Variants in MCPH1 observed in about 807,000 individuals in gnomAD.
MCPH1 encodes the protein microcephalin 1, also known as microcephalin.
MCPH1 carries 104 observed loss-of-function variants against 84.5 expected under a neutral mutation model. The observed-to-expected ratio is 1.23, with a 90% CI of 1.05 to 1.45. The LOEUF is 1.45. MCPH1 is among the 40% of genes most tolerant of loss of function. The pLI, the probability that MCPH1 is intolerant of heterozygous loss-of-function variation, is 0.00. For missense variants in MCPH1, 1,498 were observed against 1,005.7 expected, an observed-to-expected ratio of 1.49 and a Z score of -6.62; for synonymous variants, 514 against 366.8, an observed-to-expected ratio of 1.40 and a Z score of -4.58.
At chr8:6,576,723 T>G (rs1346424272) in intron 12 of MCPH1, among the ~76,000 whole-genome samples, 102 of 101,294 alleles carry the variant, frequency 1.0e-3, no homozygotes, top group African/African-American at 4.4e-3. Flanking sequence ...TTTTTTTTTT[T>G]TTTTAGTAGA....
At position 6,434,464 on chromosome 8, in the gene MCPH1, C is replaced by G. The variant is rs1387872339; in HGVS notation, c.322-1584C>G. Among the ~76,000 whole-genome samples, 4 of 152,186 alleles carry G rather than the reference C, an allele frequency of 2.6e-5. No individual in the cohort carries two copies. In the East Asian group the frequency reaches 5.8e-4, roughly 22 times the overall value. ...TAGTACATTTTGTGTCATGCAGGTA[C>G]TTTAGTGAAAGCAGTGCAGGCCGGT... On this transcript the variant is annotated intron_variant, in intron 4 of 13. Transcript: ENST00000344683.
chr8:6,458,207 T>G (rs1359892983), intron 9 of MCPH1, among the ~76,000 whole-genome samples: 1 of 152,134 alleles, frequency 6.6e-6, no homozygotes, highest in African/African-American at 2.4e-5. Context: ...GTGCGGTGGC[T>G]CACACCTGTA....
At chr8:6,437,931 A>AGTCACAATG (rs1802917982) in intron 5 of MCPH1, among the ~76,000 whole-genome samples, 1 of 152,194 alleles carries the variant, frequency 6.6e-6, no homozygotes, top group Non-Finnish European at 1.5e-5. Flanking sequence ...TCTGTGCTGC[A>AGTCACAATG]GTCACAATGG....
intron 6 of MCPH1, 121 bp downstream of exon 6, chr8:6,439,217 T>C: frequency 9.8e-7 from 1 of 1,019,256 alleles, no homozygotes; most frequent in Non-Finnish European, 1.4e-6. Flanking sequence ...TTTTGACTTA[T>C]TTCATGGCTG....
chr8:6,611,377 C>T (rs968221556), intron 12 of MCPH1, among the ~76,000 whole-genome samples: 24 of 152,202 alleles, frequency 1.6e-4, no homozygotes, highest in Non-Finnish European at 2.6e-4. Context: ...TTGCCACAAC[C>T]CCCTCCTGGG....
intron 7 of MCPH1, among the ~76,000 whole-genome samples, chr8:6,442,953 T>A (rs1169703933): frequency 6.6e-6 from 1 of 152,268 alleles, no homozygotes; most frequent in Admixed American, 6.5e-5. Flanking sequence ...TTTACCCATT[T>A]CTCTTAAACA....
intron 12 of MCPH1, among the ~76,000 whole-genome samples, chr8:6,538,363 C>T (rs2922878): frequency 1.3e-5 from 2 of 152,218 alleles, no homozygotes; most frequent in African/African-American, 4.8e-5. Flanking sequence ...GGCCACGCAT[C>T]CCCCAGCTGC....
At chr8:6,630,591 G>C (rs1237486167) in intron 13 of MCPH1, among the ~76,000 whole-genome samples, 1 of 152,116 alleles carries the variant, frequency 6.6e-6, no homozygotes, top group South Asian at 2.1e-4. Flanking sequence ...AGACCAGCCT[G>C]ACCAACACGG....
At chr8:6,626,649 C>A (rs1832109776) in intron 13 of MCPH1, 1 of 984,510 alleles carries the variant, frequency 1.0e-6, no homozygotes, top group Non-Finnish European at 1.2e-6. Flanking sequence ...GTTGCATTTT[C>A]CCCCCAACAC....
At chr8:6,598,273 A>T (rs1829079585) in intron 12 of MCPH1, among the ~76,000 whole-genome samples, 1 of 152,160 alleles carries the variant, frequency 6.6e-6, no homozygotes, top group African/African-American at 2.4e-5. Context: ...CTGTAGAGCA[A>T]GTTTAGGATG....
chr8:6,617,739 C>T (rs976140146), intron 12 of MCPH1, among the ~76,000 whole-genome samples: 5 of 149,520 alleles, frequency 3.3e-5, no homozygotes, highest in African/African-American at 1.3e-4. Flanking sequence ...TGAAGGGTCA[C>T]AATCACAGTT....
intron 3 of MCPH1, among the ~76,000 whole-genome samples, chr8:6,420,192 G>A (rs1322369526): frequency 1.3e-5 from 2 of 152,054 alleles, no homozygotes; most frequent in African/African-American, 2.4e-5. Context: ...ATGTTTTTCA[G>A]AGCCTGCCTG....
intron 13 of MCPH1, among the ~76,000 whole-genome samples, chr8:6,632,078 G>C (rs1340634162): frequency 1.3e-5 from 2 of 152,198 alleles, no homozygotes; most frequent in Non-Finnish European, 2.9e-5. Flanking sequence ...AAATAAGCCA[G>C]AAACCAAAGG....
At chr8:6,485,334 A>G (rs1157163193) in intron 11 of MCPH1, among the ~76,000 whole-genome samples, 1 of 152,068 alleles carries the variant, frequency 6.6e-6, no homozygotes, top group African/African-American at 2.4e-5. Flanking sequence ...CAAAAAAAAA[A>G]AAGTATATCT....
chr8:6,454,131 G>T (rs1204678043), intron 8 of MCPH1, among the ~76,000 whole-genome samples: 1 of 152,140 alleles, frequency 6.6e-6, no homozygotes, highest in East Asian at 1.9e-4. Flanking sequence ...CATGTTATAT[G>T]ATTTTTAATC....
At chr8:6,441,774 C>T (rs961445182) in intron 6 of MCPH1, among the ~76,000 whole-genome samples, 6 of 152,184 alleles carry the variant, frequency 3.9e-5, no homozygotes, top group African/African-American at 9.7e-5. Flanking sequence ...GGGACCCCAA[C>T]GTCACCTCTG....
chr8:6,572,702 G>C (rs531593116), intron 12 of MCPH1, among the ~76,000 whole-genome samples: 37 of 152,296 alleles, frequency 2.4e-4, no homozygotes, highest in Non-Finnish European at 4.3e-4. Context: ...AGCAGAAAAA[G>C]AGGTCTGTAC....
At chr8:6,614,119 TAGA>T (rs1830563483) in intron 12 of MCPH1, among the ~76,000 whole-genome samples, 1 of 152,222 alleles carries the variant, frequency 6.6e-6, no homozygotes, top group South Asian at 2.1e-4. Flanking sequence ...AGAATTATTT[TAGA>T]AGGTTAGACT....
At chr8:6,592,703 G>T (rs2959784) in intron 12 of MCPH1, among the ~76,000 whole-genome samples, 76,403 of 145,850 alleles carry the variant, frequency 0.52, 19,940 homozygotes, top group Admixed American at 0.61. Flanking sequence ...CACCCAGGCT[G>T]AAGTGCAGTG....
Sources: allele counts gnomAD v4.1 joint callset (sites outside exome capture counted in the v4.1 genomes callset), GRCh38; gene constraint gnomAD v4.1.1; transcripts MANE v1.5; gene names NCBI Gene and HGNC (gene_info 2026-07-23, HGNC 2026-07-21).